Variants in PLPP1 observed in about 807,000 individuals in gnomAD.
PLPP1 encodes lipid phosphate phosphohydrolase 1a.
PLPP1 carries 24 observed loss-of-function variants against 31.2 expected under a neutral mutation model. The observed-to-expected ratio is 0.77, with a 90% CI of 0.56 to 1.08. The LOEUF is 1.08. Ranked by LOEUF, PLPP1 falls within the 50% of genes least tolerant of loss-of-function variation. PLPP1 has a pLI of 0.00. For missense variants in PLPP1, 319 were observed against 342.7 expected (o/e 0.93, Z 0.55); for synonymous variants, 146 against 126.3 (o/e 1.16, Z -1.05).
chr5:55,426,087 A>G, intron 4 of PLPP1, 48 bp from the exon 5 acceptor site: 2 of 1,456,480 alleles, frequency 1.4e-6, no homozygotes, highest in Non-Finnish European at 1.8e-6. Flanking sequence ...ACATAACGCA[A>G]AACTTTTATA....
chr5:55,448,746 C>T (rs1183741142), intron 3 of PLPP1, among the ~76,000 whole-genome samples: 1 of 152,166 alleles, frequency 6.6e-6, no homozygotes, highest in Non-Finnish European at 1.5e-5. Context: ...CCGCACCCAG[C>T]CGATTCTACT....
chr5:55,426,594 A>T, intron 4 of PLPP1, among the ~76,000 whole-genome samples: 1 of 148,554 alleles, frequency 6.7e-6, no homozygotes, highest in South Asian at 2.1e-4. Flanking sequence ...TTTTATAGAG[A>T]TGGGGGTCTC....
At chr5:55,506,263 TAA>T (rs201809819) in intron 1 of PLPP1, among the ~76,000 whole-genome samples, 41 of 128,522 alleles carry the variant, frequency 3.2e-4, no homozygotes, top group African/African-American at 1.2e-3. Context: ...AGCAAATTAC[TAA>T]AAAAAAAAAA....
At chr5:55,502,614 T>TTTAA (rs1753172364) in intron 1 of PLPP1, among the ~76,000 whole-genome samples, 1 of 152,226 alleles carries the variant, frequency 6.6e-6, no homozygotes, top group Admixed American at 6.5e-5. Context: ...TGTATTAAAT[T>TTTAA]TTAATTAATT....
chr5:55,501,203 C>T (rs1753136432), intron 1 of PLPP1, among the ~76,000 whole-genome samples: 1 of 152,114 alleles, frequency 6.6e-6, no homozygotes, highest in African/African-American at 2.4e-5. Flanking sequence ...ATCCCAGCTA[C>T]TCAGGAGGCT....
chr5:55,484,866 T>G (rs531354149), intron 1 of PLPP1: 1 of 152,308 alleles, frequency 6.6e-6, no homozygotes, highest in African/African-American at 2.4e-5. Context: ...CAATCATGAC[T>G]ACATAATAAA....
At chr5:55,437,969 G>C (rs1434193168) in intron 4 of PLPP1, among the ~76,000 whole-genome samples, 1 of 152,220 alleles carries the variant, frequency 6.6e-6, no homozygotes, top group Non-Finnish European at 1.5e-5. Context: ...AGTCTGAGTG[G>C]ATTTAGATAG....
At chr5:55,425,574 T>C (rs1235852504) in intron 5 of PLPP1, 1 of 455,504 alleles carries the variant, frequency 2.2e-6, no homozygotes, top group East Asian at 3.7e-5. Flanking sequence ...AAAAGAGTTA[T>C]TTCTACATGT....
At chr5:55,470,698 CA>C (rs954218403) in intron 2 of PLPP1, among the ~76,000 whole-genome samples, 11 of 152,168 alleles carry the variant, frequency 7.2e-5, no homozygotes, top group African/African-American at 2.7e-4. Flanking sequence ...ACAAGATAAC[CA>C]TATTCTTTTG....
intron 4 of PLPP1, among the ~76,000 whole-genome samples, chr5:55,436,901 A>T (rs1024282151): frequency 2.0e-5 from 3 of 152,310 alleles, no homozygotes; most frequent in African/African-American, 4.8e-5. Context: ...GGATTAGGAA[A>T]ATAGGACTTT....
intron 2 of PLPP1, among the ~76,000 whole-genome samples, chr5:55,473,982 T>G (rs1752477498): frequency 1.1e-5 from 1 of 88,348 alleles, no homozygotes; most frequent in South Asian, 5.1e-4. Context: ...TTTCTGGTTT[T>G]TTTGTTTGTT....
At chr5:55,433,344 AAT>A (rs1251719596) in intron 4 of PLPP1, among the ~76,000 whole-genome samples, 1 of 147,320 alleles carries the variant, frequency 6.8e-6, no homozygotes, top group Non-Finnish European at 1.5e-5. Flanking sequence ...AAAGAAAAGA[AAT>A]AAAGGCATCC....
chr5:55,431,095 T>G (rs950875523), intron 4 of PLPP1, among the ~76,000 whole-genome samples: 3 of 152,166 alleles, frequency 2.0e-5, no homozygotes, highest in African/African-American at 7.2e-5. Flanking sequence ...ATATTCAAAT[T>G]TTTGGTGTCT....
At chr5:55,451,556 CTT>C (rs565534624) in intron 3 of PLPP1, among the ~76,000 whole-genome samples, 9 of 142,514 alleles carry the variant, frequency 6.3e-5, no homozygotes, top group African/African-American at 2.0e-4. Flanking sequence ...TTAGAGAAAC[CTT>C]TTTTTTTTTT....
intron 1 of PLPP1, among the ~76,000 whole-genome samples, chr5:55,517,955 T>A (rs1579981420): frequency 6.6e-6 from 1 of 152,232 alleles, no homozygotes; most frequent in African/African-American, 2.4e-5. Flanking sequence ...CAAGTCATTC[T>A]CCTGCCTCAG....
At chr5:55,475,915 C>T (rs1752539005) in intron 1 of PLPP1, among the ~76,000 whole-genome samples, 1 of 151,792 alleles carries the variant, frequency 6.6e-6, no homozygotes, top group Non-Finnish European at 1.5e-5. Flanking sequence ...ACTTTATCCA[C>T]TCATTTCTGT....
At chr5:55,498,945 T>C (rs1753060258) in intron 1 of PLPP1, among the ~76,000 whole-genome samples, 2 of 127,468 alleles carry the variant, frequency 1.6e-5, no homozygotes, top group African/African-American at 5.5e-5. Flanking sequence ...CCTTCAAATA[T>C]GGCTACTGTA....
intron 3 of PLPP1, among the ~76,000 whole-genome samples, chr5:55,454,518 T>G (rs777975744): frequency 6.6e-5 from 10 of 152,194 alleles, no homozygotes; most frequent in Non-Finnish European, 1.2e-4. Context: ...TACAGCAAAT[T>G]TCTGTACTCC....
intron 1 of PLPP1, among the ~76,000 whole-genome samples, chr5:55,493,312 C>CT (rs1475583900): frequency 2.1e-5 from 3 of 143,650 alleles, no homozygotes; most frequent in African/African-American, 7.8e-5. Flanking sequence ...AAGACCCTGT[C>CT]TCAAAAAAAA....
Sources: gnomAD v4.1 joint callset for allele counts (sites outside exome capture counted in the v4.1 genomes callset) on GRCh38, gnomAD v4.1.1 for gene constraint, MANE v1.5 for transcripts, NCBI Gene and HGNC (gene_info 2026-07-23, HGNC 2026-07-21) for gene names.